The following SLC2A13 variants were observed in gnomAD, a reference collection of about 807,000 sequenced individuals.
SLC2A13 encodes the protein solute carrier family 2 member 13, also known as proton myo-inositol cotransporter.
SLC2A13 carries 32 observed loss-of-function variants against 64.4 expected under a neutral mutation model. That is an observed-to-expected ratio of 0.50 (90% confidence interval 0.37 to 0.67). The LOEUF is 0.67. SLC2A13 is among the 30% of genes least tolerant of loss of function. The pLI is 0.00. For synonymous variants in SLC2A13, 338 were observed against 327.1 expected, an observed-to-expected ratio of 1.03 and a Z score of -0.36; for missense variants, 743 against 829.2, an observed-to-expected ratio of 0.90 and a Z score of 1.28.
chr12:39,830,193 C>G lies in SLC2A13; in HGVS notation c.1355G>C (p.Gly452Ala). 6.2e-7 allele frequency: 1 copy of G among 1,613,612 alleles called. No individual in the cohort carries two copies. Among genetic ancestry groups the G allele is most frequent in the Non-Finnish European group, 8.5e-7 (1 of 1,179,740 alleles). ...TGATTTGTTCATCTTGTAGCAGAAA[C>G]CGCAGTCTGGATCCAACATACATTC... ...CNECMLDPDC[G>A]FCYKMNKSTV... is the part of the protein sequence containing the mutation. The change falls in exon 7 of 10, where the codon GGT becomes GCT. Residue 452 changes from glycine (G) to alanine (A), a missense_variant. Gly to Ala is a moderately conservative substitution (Grantham distance 60). Transcript: ENST00000280871.
intron 1 of SLC2A13, among the ~76,000 whole-genome samples, chr12:40,057,735 T>C (rs1346061451): frequency 6.6e-6 from 1 of 152,170 alleles, no homozygotes; most frequent in Non-Finnish European, 1.5e-5. Flanking sequence ...TGGCTAAGAA[T>C]TTTACGCAGT....
chr12:39,935,451 G>A (rs1945901934), intron 4 of SLC2A13, among the ~76,000 whole-genome samples: 1 of 152,130 alleles, frequency 6.6e-6, no homozygotes, highest in Admixed American at 6.6e-5. Context: ...CTATCAGAGA[G>A]TGACTCATTC....
chr12:39,985,600 G>C (rs1042100669), intron 3 of SLC2A13, among the ~76,000 whole-genome samples: 4 of 152,098 alleles, frequency 2.6e-5, no homozygotes, highest in Admixed American at 1.3e-4. Context: ...AGACAAGAAG[G>C]CTGCTTTTAG....
intron 3 of SLC2A13, among the ~76,000 whole-genome samples, chr12:39,977,746 G>A (rs1392688666): frequency 1.3e-5 from 2 of 152,166 alleles, no homozygotes; most frequent in Admixed American, 1.3e-4. Context: ...GTAATCCAGA[G>A]GCAAGCATTA....
At chr12:39,828,636 A>G (rs1214633169) in intron 7 of SLC2A13, among the ~76,000 whole-genome samples, 2 of 152,040 alleles carry the variant, frequency 1.3e-5, no homozygotes, top group Non-Finnish European at 2.9e-5. Context: ...ATTATGTAAA[A>G]TACAGGAAAC....
At chr12:40,014,506 T>G (rs1278132588) in intron 3 of SLC2A13, among the ~76,000 whole-genome samples, 23 of 152,182 alleles carry the variant, frequency 1.5e-4, no homozygotes, top group Admixed American at 1.1e-3. Flanking sequence ...TTTTCTTTTT[T>G]TTGAGACAGA....
At chr12:40,100,593 C>G (rs1939110932) in intron 1 of SLC2A13, among the ~76,000 whole-genome samples, 1 of 152,134 alleles carries the variant, frequency 6.6e-6, no homozygotes, top group Non-Finnish European at 1.5e-5. Flanking sequence ...AACCACACTT[C>G]AAAACCTTGA....
intron 7 of SLC2A13, among the ~76,000 whole-genome samples, chr12:39,776,591 A>G (rs1192915976): frequency 6.6e-6 from 1 of 152,256 alleles, no homozygotes; most frequent in Admixed American, 6.5e-5. Context: ...ATACTGCAAT[A>G]GAAGCCATGA....
At chr12:39,868,215 T>C (rs1943955921) in intron 5 of SLC2A13, among the ~76,000 whole-genome samples, 1 of 152,320 alleles carries the variant, frequency 6.6e-6, no homozygotes, top group Non-Finnish European at 1.5e-5. Flanking sequence ...ATGTTCTTTA[T>C]GTTTCAAGAG....
intron 3 of SLC2A13, among the ~76,000 whole-genome samples, chr12:39,979,463 C>A (rs1327688608): frequency 8.9e-5 from 13 of 145,772 alleles, no homozygotes; most frequent in Admixed American, 8.9e-4. Context: ...ATAACCAATA[C>A]AGAGAAGTGC....
chr12:39,861,759 A>G (rs993221711), intron 6 of SLC2A13, among the ~76,000 whole-genome samples: 6 of 152,188 alleles, frequency 3.9e-5, no homozygotes, highest in African/African-American at 1.2e-4. Flanking sequence ...TGCAGCTGGG[A>G]CCCTATGACA....
chr12:39,869,745 GA>G (rs2135936737), intron 5 of SLC2A13, among the ~76,000 whole-genome samples: 1 of 152,348 alleles, frequency 6.6e-6, no homozygotes, highest in South Asian at 2.1e-4. Flanking sequence ...ACATAGGCCA[GA>G]AGAGTTCAGG....
At position 39,839,645 on chromosome 12, in the gene SLC2A13, T is replaced by G. The variant is rs76400176; in HGVS notation, c.1320-9417A>C. Among the ~76,000 whole-genome samples the G allele has an allele frequency of 1.1e-3, 166 of 152,170 alleles. 2 individuals are homozygous for G. Among genetic ancestry groups the G allele is most frequent in the African/African-American group, 3.7e-3 (152 of 41,544 alleles). On this transcript the variant is annotated intron_variant, in intron 6 of 9. Coordinates refer to ENST00000280871, the MANE Select transcript of SLC2A13 (RefSeq NM_052885.4). ...CCCTTTGTTTCTCCCACCTCTCAGA[T>G]AGTGGCATCTTCATCTTTTCTTTCT...
rs528483518 is a variant in SLC2A13, at chr12:39,969,114, A to G, written c.926-17749T>C. Among the ~76,000 whole-genome samples the G allele has an allele frequency of 2.9e-4, 44 of 152,118 alleles. No individual in the cohort carries two copies. In the South Asian group the frequency reaches 8.5e-3, roughly 29 times the overall value. ...GGTTTCCAGCTTCATCCATGTCCCT[A>G]CAAAGGACATGAACTCATCCTTTTT... On this transcript the variant is annotated intron_variant, in intron 3 of 9. Transcript: ENST00000280871.
At position 39,762,807 on chromosome 12, in the gene SLC2A13, T is replaced by G. The variant is rs113781936; in HGVS notation, c.1720+1653A>C. ...TACTACTAGAGAGTAGTAGACCAAA[T>G]GGACCAGTGCTCTGACATGAGAGAA... On this transcript the variant is annotated intron_variant, in intron 9 of 9. Coordinates refer to ENST00000280871, the MANE Select transcript of SLC2A13 (RefSeq NM_052885.4). Among the ~76,000 whole-genome samples the G allele has an allele frequency of 4.4e-3, 667 of 152,174 alleles. 5 individuals carry two copies. Among genetic ancestry groups the G allele is most frequent in the African/African-American group, 0.015 (632 of 41,548 alleles).
chr12:39,848,404 C>T (rs1943377472), intron 6 of SLC2A13, among the ~76,000 whole-genome samples: 1 of 152,000 alleles, frequency 6.6e-6, no homozygotes, highest in South Asian at 2.1e-4. Context: ...ATACGTGCAG[C>T]CAAGGAGCAT....
chr12:39,892,985 A>T (rs190359679), intron 4 of SLC2A13, among the ~76,000 whole-genome samples: 2 of 152,290 alleles, frequency 1.3e-5, no homozygotes, highest in South Asian at 2.1e-4. Context: ...AATTTAAAAA[A>T]TTTTTTGATG....
At chr12:39,865,726 G>C (rs1436925677) in intron 5 of SLC2A13, among the ~76,000 whole-genome samples, 1 of 152,214 alleles carries the variant, frequency 6.6e-6, no homozygotes, top group Non-Finnish European at 1.5e-5. Flanking sequence ...GTCCTTTGCA[G>C]CAACATGGAT....
At chr12:39,932,888 T>G (rs1050433599) in intron 4 of SLC2A13, among the ~76,000 whole-genome samples, 3 of 151,272 alleles carry the variant, frequency 2.0e-5, no homozygotes, top group African/African-American at 7.3e-5. Flanking sequence ...GGGGGTGGGA[T>G]GATGGAGAAG....
Sources: allele counts gnomAD v4.1 joint callset (sites outside exome capture counted in the v4.1 genomes callset), GRCh38; gene constraint gnomAD v4.1.1; transcripts MANE v1.5; gene names NCBI Gene and HGNC (gene_info 2026-07-23, HGNC 2026-07-21).